The following SEC63 variants were observed in gnomAD, a reference collection of about 807,000 sequenced individuals.
The protein encoded by SEC63 is SEC63 protein translocation regulator, also known as translocation protein SEC63 homolog.
SEC63 carries 56 observed loss-of-function variants against 116.2 expected under a neutral mutation model. The observed-to-expected ratio is 0.48, with a 90% CI of 0.39 to 0.60. The LOEUF is 0.60. Ranked by LOEUF, SEC63 falls within the 20% of genes least tolerant of loss-of-function variation. The probability of loss-of-function intolerance (pLI) is 0.00; values close to 1 mark genes in which losing one functional copy is unlikely to be tolerated. For synonymous variants in SEC63, 273 were observed against 294.6 expected (o/e 0.93, Z 0.75); for missense variants, 668 against 900.0 (o/e 0.74, Z 3.30).
At chr6:107,875,884 T>A (rs1389751982) in intron 19 of SEC63, among the ~76,000 whole-genome samples, 1 of 152,118 alleles carries the variant, frequency 6.6e-6, no homozygotes, top group Non-Finnish European at 1.5e-5. Context: ...ATACAGAGCC[T>A]CCAGCCCATC....
intron 15 of SEC63, 91 bp downstream of exon 15, chr6:107,893,747 T>C: frequency 5.7e-6 from 9 of 1,590,180 alleles, no homozygotes; most frequent in Non-Finnish European, 7.8e-6. Flanking sequence ...CTAAACTGAA[T>C]TACTCTCCCA....
At chr6:107,892,060 T>C (rs1786695801) in intron 16 of SEC63, among the ~76,000 whole-genome samples, 1 of 152,204 alleles carries the variant, frequency 6.6e-6, no homozygotes, top group South Asian at 2.1e-4. Context: ...GTCTGTCCCT[T>C]ATCAGAGCTC....
At chr6:107,953,450 T>C (rs1400771237) in intron 1 of SEC63, among the ~76,000 whole-genome samples, 2 of 146,980 alleles carry the variant, frequency 1.4e-5, no homozygotes, top group Non-Finnish European at 3.0e-5. Flanking sequence ...GAGGGGCACC[T>C]CTGCCCGGCC....
intron 4 of SEC63, among the ~76,000 whole-genome samples, chr6:107,919,292 T>C (rs1351511348): frequency 6.6e-6 from 1 of 152,170 alleles, no homozygotes; most frequent in East Asian, 1.9e-4. Context: ...GTGCTAGAAA[T>C]AGCAGGAGAA....
At chr6:107,937,167 G>T (rs1188478117) in intron 1 of SEC63, among the ~76,000 whole-genome samples, 1 of 132,892 alleles carries the variant, frequency 7.5e-6, no homozygotes. Flanking sequence ...TTGTTGCCCA[G>T]GCTGGAGTGC....
At chr6:107,950,477 A>G (rs577273759) in intron 1 of SEC63, among the ~76,000 whole-genome samples, 5 of 152,350 alleles carry the variant, frequency 3.3e-5, no homozygotes, top group African/African-American at 1.2e-4. Context: ...TACATTGTTC[A>G]GAAGTGCCAT....
chr6:107,957,982 C>T lies in SEC63; in HGVS notation c.28G>A (p.Asp10Asn). ...AAGTAGAAGAAGGTGTTCCCACTGT[C>T]ATCGTACTGGAACTGCTGCCCGGCC... The part of the protein sequence containing the change: MAGQQFQYD[D>N]SGNTFFYFLT... The change falls in exon 1 of 21, where the codon GAC (aspartate) becomes AAC (asparagine). Residue 10 changes from aspartate (D) to asparagine (N), a missense_variant. By Grantham distance (23) the Asp-to-Asn change is conservative. This residue lies in a region of SEC63 where 142 missense variants were observed against 169.5 expected (regional missense o/e 0.84). Coordinates refer to ENST00000369002, the MANE Select transcript of SEC63 (RefSeq NM_007214.5). The T allele has an allele frequency of 1.9e-6, 3 of 1,613,474 alleles. No homozygotes were observed. Among genetic ancestry groups the T allele is most frequent in the Non-Finnish European group, 2.5e-6 (3 of 1,179,594 alleles).
intron 1 of SEC63, among the ~76,000 whole-genome samples, chr6:107,949,847 G>C (rs1450807502): frequency 6.6e-6 from 1 of 152,086 alleles, no homozygotes; most frequent in Non-Finnish European, 1.5e-5. Context: ...ATGTTGCCCA[G>C]GCTGGTTCAA....
rs752502217 is a variant in SEC63 at position 107,904,626 on chromosome 6, C to T, written c.1054+3G>A. ...AACATAATTAACTATATTTCCTCCT[C>T]ACCTTCACGGTTCCGGGCCATTACT... On this transcript the variant is annotated splice_donor_region_variant and intron_variant, in intron 11 of 20. Coordinates refer to ENST00000369002, the MANE Select transcript of SEC63 (RefSeq NM_007214.5). 2 of 1,598,010 alleles carry T rather than the reference C, an allele frequency of 1.3e-6. No homozygotes were observed. The highest frequency in any genetic ancestry group is 1.7e-5 in the Admixed American group (1 of 59,994).
rs887521815 is a variant in SEC63, at chr6:107,870,312, T to C, written c.*1392A>G. 6.6e-6 allele frequency: 1 copy of C among 152,534 alleles called. No individual in the cohort carries two copies. Among genetic ancestry groups the C allele is most frequent in the East Asian group, 1.9e-4 (1 of 5,190 alleles). The allele number at this position is 152,534 out of a possible 1,614,324, so 9.4% of individuals were successfully genotyped here. On this transcript the variant is annotated 3_prime_UTR_variant, in exon 21 of 21. Coordinates refer to ENST00000369002, the MANE Select transcript of SEC63 (RefSeq NM_007214.5). ...TTAGAACCAAAAAAACCATTCATGG[T>C]TTTGCTAATTTTCACATTTTATTTC...
chr6:107,922,463 G>A (rs912122192), intron 3 of SEC63, among the ~76,000 whole-genome samples: 12 of 152,312 alleles, frequency 7.9e-5, no homozygotes, highest in East Asian at 5.8e-4. Flanking sequence ...CTGAGACTAC[G>A]CCACTGCACT....
rs1203248295 is a variant in SEC63, at chr6:107,881,159, T to C, written c.1925A>G (p.Tyr642Cys). The change falls in exon 18 of 21, where the codon TAC (tyrosine) becomes TGC (cysteine). Residue 642 changes from tyrosine (Y) to cysteine (C), a missense_variant. Physicochemically the swap from Tyr to Cys is radical, Grantham distance 194. Transcript: ENST00000369002. Reference sequence around the variant, plus strand: ...CTGTATATAACTCACCTCAGGAAAGTAAAGGCTATACACAGGATGTGTTAT... The same window carrying C: ...CTGTATATAACTCACCTCAGGAAAGCAAAGGCTATACACAGGATGTGTTAT... ...SKITHPVYSL[Y>C]FPEEKQEWWW... The C allele has an allele frequency of 1.2e-6, 2 of 1,605,514 alleles. No individual in the cohort carries two copies. Among genetic ancestry groups the C allele is most frequent in the Non-Finnish European group, 8.5e-7 (1 of 1,173,622 alleles).
intron 2 of SEC63, among the ~76,000 whole-genome samples, chr6:107,927,904 T>C (rs1363878244): frequency 2.0e-5 from 3 of 152,240 alleles, no homozygotes; most frequent in Non-Finnish European, 4.4e-5. Flanking sequence ...TTTTCATTTA[T>C]ACTTTTAATT....
At chr6:107,936,980 A>G (rs975085392) in intron 1 of SEC63, among the ~76,000 whole-genome samples, 2 of 152,162 alleles carry the variant, frequency 1.3e-5, no homozygotes, top group African/African-American at 4.8e-5. Flanking sequence ...GCTCCCACTT[A>G]TAAGTCAGAA....
At position 107,920,977 on chromosome 6, in the gene SEC63, T is replaced by C. The variant is rs114717255; in HGVS notation, c.452+820A>G. Among the ~76,000 whole-genome samples, 338 of 152,270 alleles carry C rather than the reference T, an allele frequency of 2.2e-3. 2 individuals are homozygous for C. Among genetic ancestry groups the C allele is most frequent in the African/African-American group, 7.9e-3 (327 of 41,556 alleles). On this transcript the variant is annotated intron_variant, in intron 4 of 20. Transcript: ENST00000369002. Reference sequence around the variant, plus strand: ...AAATTATTTGGAAGTTCTGAAAAGATTTGTGAAGACAGTTTCTGAGCAGTG... The same window carrying C: ...AAATTATTTGGAAGTTCTGAAAAGACTTGTGAAGACAGTTTCTGAGCAGTG...
chr6:107,954,791 G>GAA (rs1056534867), intron 1 of SEC63: 2 of 152,130 alleles, frequency 1.3e-5, no homozygotes, highest in Non-Finnish European at 2.9e-5. Context: ...TCACTATGAT[G>GAA]AAAACATCCT....
At chr6:107,953,940 C>G (rs1288800019) in intron 1 of SEC63, among the ~76,000 whole-genome samples, 2 of 152,092 alleles carry the variant, frequency 1.3e-5, no homozygotes, top group African/African-American at 2.4e-5. Flanking sequence ...GCCCCTCTGC[C>G]CGGCCACCAC....
Position 107,869,769 on chromosome 6 carries a change from GTAGTTT to G in SEC63, c.*1929_*1934del, listed in dbSNP as rs1314749093. 5.1e-5 allele frequency: 3 copies of G among 58,588 alleles called. No homozygotes were observed. The highest frequency in any genetic ancestry group is 9.6e-5 in the Non-Finnish European group (3 of 31,236). 3.6% of individuals were successfully genotyped at this position (58,588 alleles called of 1,614,324 possible). A position where few individuals can be genotyped will look rare whatever the true frequency, so the allele number is the denominator to read the frequency against. ...AAACTGGTGGAATTTTCTGGTGATG[GTAGTTT>G]TTTTTTTTTTTTTTTTTTTAAGCAC... is the stretch of plus-strand genomic sequence containing the variant. On this transcript the variant is annotated 3_prime_UTR_variant, in exon 21 of 21. Transcript: ENST00000369002.
At chr6:107,933,988 G>A (rs1429986460) in intron 1 of SEC63, among the ~76,000 whole-genome samples, 2 of 152,256 alleles carry the variant, frequency 1.3e-5, no homozygotes, top group African/African-American at 4.8e-5. Flanking sequence ...CTCCCGAGGT[G>A]CCGGGTTTGC....
Sources: gnomAD v4.1 joint callset for allele counts (sites outside exome capture counted in the v4.1 genomes callset) on GRCh38, gnomAD v4.1.1 for gene constraint, gnomAD v4.1.1 regional missense constraint, MANE v1.5 for transcripts, NCBI Gene and HGNC (gene_info 2026-07-23, HGNC 2026-07-21) for gene names.